Variants in TRIM37 observed in about 807,000 individuals in gnomAD.
The protein encoded by TRIM37 is E3 ubiquitin-protein ligase TRIM37.
A neutral mutation model predicts 129.8 loss-of-function variants in TRIM37; 80 were observed. The ratio of observed to expected loss-of-function variants is 0.62; its 90% CI spans 0.51 to 0.74. The LOEUF is 0.74. Ranked by LOEUF, TRIM37 falls within the 30% of genes least tolerant of loss-of-function variation. TRIM37 has a pLI of 0.00. For synonymous variants in TRIM37, 389 were observed against 387.1 expected, an observed-to-expected ratio of 1.00 and a Z score of -0.06; for missense variants, 1,054 against 1,176.5, an observed-to-expected ratio of 0.90 and a Z score of 1.52.
chr17:58,977,510 T>A, the TRIM37 span, among the ~76,000 whole-genome samples: 1 of 150,588 alleles, frequency 6.6e-6, no homozygotes, highest in Admixed American at 6.6e-5. Flanking sequence ...AGATGAGAGG[T>A]TGTGTTTGTG....
intron 4 of TRIM37, among the ~76,000 whole-genome samples, chr17:59,085,273 C>T (rs1400051535): frequency 6.6e-6 from 1 of 151,868 alleles, no homozygotes; most frequent in African/African-American, 2.4e-5. Context: ...TTGCAGTGAG[C>T]TGATAATCAC....
intron 11 of TRIM37, among the ~76,000 whole-genome samples, chr17:59,062,107 A>C (rs2041545776): frequency 6.6e-6 from 1 of 152,208 alleles, no homozygotes; most frequent in South Asian, 2.1e-4. Context: ...AGGAGGGCTA[A>C]AATGTGTAAT....
At chr17:59,073,440 T>C (rs2042553336) in intron 8 of TRIM37, among the ~76,000 whole-genome samples, 1 of 152,100 alleles carries the variant, frequency 6.6e-6, no homozygotes, top group Admixed American at 6.5e-5. Context: ...ACTCCAAGCA[T>C]GTGCCACCTC....
intron 18 of TRIM37, among the ~76,000 whole-genome samples, chr17:59,030,336 A>G (rs1269733746): frequency 6.6e-6 from 1 of 152,036 alleles, no homozygotes; most frequent in Non-Finnish European, 1.5e-5. Context: ...CGAACTCCTG[A>G]CCTCAGGTGA....
chr17:59,037,535 G>T (rs1337514110), intron 17 of TRIM37, among the ~76,000 whole-genome samples: 1 of 120,510 alleles, frequency 8.3e-6, no homozygotes, highest in African/African-American at 3.4e-5. Context: ...TCCAGCCCGG[G>T]CAACAGAGCA....
chr17:58,986,522 T>C (rs1426030659), intron 24 of TRIM37, among the ~76,000 whole-genome samples: 75 of 148,464 alleles, frequency 5.1e-4, no homozygotes, highest in Non-Finnish European at 9.2e-4. Flanking sequence ...TTTTTTTTTT[T>C]CTTTTTTGAG....
At chr17:59,056,747 A>AAAG in intron 13 of TRIM37, 128 bp downstream of exon 13, 1 of 427,110 alleles carries the variant, frequency 2.3e-6, no homozygotes, top group Non-Finnish European at 4.1e-6. Context: ...AAAAAAAAAA[A>AAAG]GGTGATAAGG....
At position 59,001,688 on chromosome 17, in the gene TRIM37, A is replaced by G; in HGVS notation, c.2722T>C (p.Cys908Arg). The G allele has an allele frequency of 6.2e-7, 1 of 1,614,020 alleles. No homozygotes were observed. Among genetic ancestry groups the G allele is most frequent in the Non-Finnish European group, 8.5e-7 (1 of 1,179,952 alleles). Residue 908 changes from cysteine (C) to arginine (R), a missense_variant, in exon 23 of 24, where the codon TGT becomes CGT. Physicochemically the swap from Cys to Arg is radical, Grantham distance 180. Transcript: ENST00000262294. ...EGMSSDSDIE[C>R]DTENEEQEEH... ...TCCTGCTCCTCATTCTCAGTGTCAC[A>G]TTCAATGTCACTGTCGCTACTCATT...
chr17:59,071,034 T>C lies in TRIM37; in HGVS notation c.685-87A>G, dbSNP rs148355044. The C allele has an allele frequency of 4.5e-4, 661 of 1,458,940 alleles. 2 individuals carry two copies. In the Middle Eastern group the frequency reaches 5.2e-3, roughly 12 times the overall value. 90.4% of individuals were successfully genotyped at this position (1,458,940 alleles called of 1,614,324 possible). A position where few individuals can be genotyped will look rare whatever the true frequency, so the allele number is the denominator to read the frequency against. ...CTTAAGAAATTACAAATTATTCTGATTATAAACTGAAAAAAATGATAAAAA... is the reference window on the plus strand; with the variant it reads ...CTTAAGAAATTACAAATTATTCTGACTATAAACTGAAAAAAATGATAAAAA... On this transcript the variant is annotated intron_variant, in intron 8 of 23. Transcript: ENST00000262294.
At chr17:58,969,516 C>T in the TRIM37 span, 1 of 1,612,736 alleles carries the variant, frequency 6.2e-7, no homozygotes, top group Non-Finnish European at 8.5e-7. Flanking sequence ...ACTCCCATAA[C>T]TGTTCTGTGT....
At chr17:59,053,787 T>C (rs1238612182) in intron 13 of TRIM37, among the ~76,000 whole-genome samples, 1 of 152,112 alleles carries the variant, frequency 6.6e-6, no homozygotes. Context: ...CGAAGAAAAC[T>C]AAAATAATCC....
intron 13 of TRIM37, among the ~76,000 whole-genome samples, chr17:59,051,686 T>A (rs1418196775): frequency 6.6e-6 from 1 of 152,100 alleles, no homozygotes; most frequent in African/African-American, 2.4e-5. Context: ...AGGAGGAAGA[T>A]AACTCTTATC....
At chr17:59,062,005 T>C (rs2041535977) in intron 11 of TRIM37, among the ~76,000 whole-genome samples, 1 of 151,854 alleles carries the variant, frequency 6.6e-6, no homozygotes, top group African/African-American at 2.4e-5. Flanking sequence ...TATTATTGTG[T>C]AATGCCATTA....
chr17:59,105,143 C>T (rs572945303), intron 1 of TRIM37, among the ~76,000 whole-genome samples: 2 of 149,276 alleles, frequency 1.3e-5, no homozygotes, highest in Admixed American at 6.7e-5. Flanking sequence ...TGACTGAATA[C>T]ACAACATGAA....
At chr17:59,072,463 C>T (rs1226569851) in intron 8 of TRIM37, among the ~76,000 whole-genome samples, 1 of 152,126 alleles carries the variant, frequency 6.6e-6, no homozygotes, top group Non-Finnish European at 1.5e-5. Flanking sequence ...CACAATAGCT[C>T]ACACCTGTAA....
chr17:59,001,518 T>C (rs761189370), intron 23 of TRIM37, 80 bp downstream of exon 23: 2 of 1,569,846 alleles, frequency 1.3e-6, no homozygotes, highest in Non-Finnish European at 1.7e-6. Context: ...AAAGTAGAAG[T>C]AGCAGCAGCA....
chr17:59,105,025 G>A (rs1339009218), intron 1 of TRIM37, among the ~76,000 whole-genome samples: 2 of 150,388 alleles, frequency 1.3e-5, no homozygotes, highest in Non-Finnish European at 2.9e-5. Context: ...CTAGGAGGCG[G>A]AGGTTGCAGT....
At chr17:59,096,889 A>C (rs2044941055) in intron 2 of TRIM37, among the ~76,000 whole-genome samples, 1 of 152,168 alleles carries the variant, frequency 6.6e-6, no homozygotes, top group Admixed American at 6.5e-5. Flanking sequence ...ACAAAATCCC[A>C]ATAAAACTAA....
rs749856451 is a variant in TRIM37, at chr17:59,056,870, G to A, written c.1199+5C>T. 6.2e-7 allele frequency: 1 copy of A among 1,611,482 alleles called. No homozygotes were observed. Among genetic ancestry groups the A allele is most frequent in the Non-Finnish European group, 8.5e-7 (1 of 1,178,770 alleles). On this transcript the variant is annotated splice_donor_5th_base_variant and intron_variant, in intron 13 of 23. Coordinates refer to ENST00000262294, the MANE Select transcript of TRIM37 (RefSeq NM_015294.6). ...AAAACCACAACATCAAATTTTTCCT[G>A]TTACCTTAAAATCACTGTATCATTT... is the stretch of plus-strand genomic sequence containing the variant.
Sources: gnomAD v4.1 joint callset for allele counts (sites outside exome capture counted in the v4.1 genomes callset) on GRCh38, gnomAD v4.1.1 for gene constraint, MANE v1.5 for transcripts, NCBI Gene and HGNC (gene_info 2026-07-23, HGNC 2026-07-21) for gene names.